Variants in TUFT1 observed in about 807,000 individuals in gnomAD.
TUFT1 encodes tuftelin.
A neutral mutation model predicts 57.8 loss-of-function variants in TUFT1; 43 were observed. The ratio of observed to expected loss-of-function variants is 0.74; its 90% CI spans 0.58 to 0.96. TUFT1 has a LOEUF of 0.96. Ranked by LOEUF, TUFT1 falls within the 40% of genes least tolerant of loss-of-function variation. TUFT1 has a pLI of 0.00. For synonymous variants in TUFT1, 166 were observed against 176.7 expected, an observed-to-expected ratio of 0.94 and a Z score of 0.48; for missense variants, 459 against 489.0, an observed-to-expected ratio of 0.94 and a Z score of 0.58.
chr1:151,544,507 G>A (rs755419449), intron 1 of TUFT1, among the ~76,000 whole-genome samples: 5 of 152,188 alleles, frequency 3.3e-5, no homozygotes, highest in Non-Finnish European at 7.3e-5. Flanking sequence ...ATGTTGGCCA[G>A]GCTGGTCTCA....
chr1:151,579,187 C>T (rs942727619), intron 10 of TUFT1, among the ~76,000 whole-genome samples: 1 of 152,166 alleles, frequency 6.6e-6, no homozygotes, highest in African/African-American at 2.4e-5. Context: ...CCCACCTGAG[C>T]TTGAGGGTAG....
chr1:151,577,373 C>A (rs1434562844), intron 9 of TUFT1, among the ~76,000 whole-genome samples: 1 of 152,128 alleles, frequency 6.6e-6, no homozygotes, highest in Non-Finnish European at 1.5e-5. Context: ...TTTTCACTAG[C>A]CCCATCCTGA....
Position 151,583,383 on chromosome 1 carries a change from G to C in TUFT1, c.*1676G>C, listed in dbSNP as rs1025873897. 1 of 152,196 alleles carries C rather than the reference G, an allele frequency of 6.6e-6. No individual in the cohort carries two copies. The highest frequency in any genetic ancestry group is 1.5e-5 in the Non-Finnish European group (1 of 68,046). The allele number at this position is 152,196 out of a possible 1,614,324, so 9.4% of individuals were successfully genotyped here. A position where few individuals can be genotyped will look rare whatever the true frequency, so the allele number is the denominator to read the frequency against. On this transcript the variant is annotated 3_prime_UTR_variant, in exon 13 of 13. Coordinates refer to ENST00000368849, the MANE Select transcript of TUFT1 (RefSeq NM_020127.3). ...TCACGCAGCCAGAATCCTTAAGTCT[G>C]TGTGTTTCTGTGTCTCAAGACTGGG...
intron 1 of TUFT1, among the ~76,000 whole-genome samples, chr1:151,547,811 T>A (rs1353789376): frequency 1.3e-5 from 2 of 152,228 alleles, no homozygotes; most frequent in African/African-American, 4.8e-5. Flanking sequence ...AGGAGCTCAC[T>A]TCCCTCTACA....
At chr1:151,569,953 G>C (rs1208951483) in intron 7 of TUFT1, 183 bp downstream of exon 7, 1 of 548,234 alleles carries the variant, frequency 1.8e-6, no homozygotes, top group African/African-American at 1.9e-5. Context: ...ACTGTTTACT[G>C]TCCAAGGCCA....
intron 5 of TUFT1, chr1:151,564,886 T>C: frequency 3.8e-6 from 1 of 262,656 alleles, no homozygotes; most frequent in East Asian, 7.9e-5. Flanking sequence ...TTAAATATCA[T>C]CAGTTGTTAG....
intron 12 of TUFT1, 44 bp from the exon 13 acceptor site, chr1:151,581,600 C>T: frequency 6.2e-7 from 1 of 1,600,772 alleles, no homozygotes; most frequent in Non-Finnish European, 8.6e-7. Flanking sequence ...GGCCACAACA[C>T]AGCTGTTCCC....
chr1:151,556,412 A>G (rs1162361000), intron 1 of TUFT1, among the ~76,000 whole-genome samples: 1 of 22,008 alleles, frequency 4.5e-5, no homozygotes, highest in Admixed American at 5.0e-4. Context: ...CTCCCTTCCC[A>G]CCCCCCAGCT....
chr1:151,577,518 C>T lies in TUFT1; in HGVS notation c.819-1203C>T, dbSNP rs547917498. On this transcript the variant is annotated intron_variant, in intron 9 of 12. Coordinates refer to ENST00000368849, the MANE Select transcript of TUFT1 (RefSeq NM_020127.3). Reference sequence around the variant, plus strand: ...AACATAGGTGCTGTATGTCAGGAACCGGGACAGAGACCCATTATATATTTC... The same window carrying T: ...AACATAGGTGCTGTATGTCAGGAACTGGGACAGAGACCCATTATATATTTC... Among the ~76,000 whole-genome samples, 6 of 152,198 alleles carry T rather than the reference C, an allele frequency of 3.9e-5. No individual in the cohort carries two copies. In the South Asian group the frequency reaches 6.2e-4, roughly 16 times the overall value.
At chr1:151,542,303 C>T (rs780958920) in intron 1 of TUFT1, among the ~76,000 whole-genome samples, 1 of 152,104 alleles carries the variant, frequency 6.6e-6, no homozygotes, top group Non-Finnish European at 1.5e-5. Context: ...TCACTGCAAC[C>T]TCCACCTCCT....
chr1:151,547,367 G>C (rs1665372925), intron 1 of TUFT1, among the ~76,000 whole-genome samples: 1 of 152,256 alleles, frequency 6.6e-6, no homozygotes, highest in African/African-American at 2.4e-5. Context: ...TGTGCTCAGA[G>C]AGGTGGGATG....
intron 7 of TUFT1, among the ~76,000 whole-genome samples, chr1:151,572,507 A>G (rs778981283): frequency 8.5e-5 from 13 of 152,158 alleles, no homozygotes; most frequent in Non-Finnish European, 1.6e-4. Context: ...AAATAAATGT[A>G]CATAAATAAA....
rs1003134043 is a variant in TUFT1 at position 151,561,614 on chromosome 1, T to G, written c.61-477T>G. On this transcript the variant is annotated intron_variant, in intron 1 of 12. Transcript: ENST00000368849. ...TTCACTTGGATAATTTCCATGTGGCTCATAGAAATGGGAGTTTGAATTCAG... is the reference window on the plus strand; with the variant it reads ...TTCACTTGGATAATTTCCATGTGGCGCATAGAAATGGGAGTTTGAATTCAG... 1.5e-5 allele frequency: 18 copies of G among 1,188,084 alleles called. No individual in the cohort carries two copies. In the African/African-American group the frequency reaches 2.6e-4, roughly 17 times the overall value. 73.6% of individuals were successfully genotyped at this position (1,188,084 alleles called of 1,614,324 possible).
At chr1:151,558,028 T>A in intron 1 of TUFT1, 1 of 411,412 alleles carries the variant, frequency 2.4e-6, no homozygotes, top group Middle Eastern at 8.2e-4. Context: ...GAAGGAAATC[T>A]TGTTGTATTT....
chr1:151,540,515 C>T (rs1034241788), intron 1 of TUFT1, 89 bp downstream of exon 1: 2 of 1,473,198 alleles, frequency 1.4e-6, no homozygotes, highest in Admixed American at 1.7e-5. Context: ...TGTTGGCTGA[C>T]ATCACCTGGT....
chr1:151,561,532 G>T (rs1420678970), intron 1 of TUFT1: 5 of 979,194 alleles, frequency 5.1e-6, no homozygotes, highest in Non-Finnish European at 6.1e-6. Flanking sequence ...AAGAAAACCT[G>T]CTTCATTCTT....
At chr1:151,570,037 G>A (rs1281122251) in intron 7 of TUFT1, among the ~76,000 whole-genome samples, 3 of 152,188 alleles carry the variant, frequency 2.0e-5, no homozygotes, top group Admixed American at 6.5e-5. Flanking sequence ...TGGGGCAGCC[G>A]GTGATTCAGA....
rs969563527 is a variant in TUFT1 at position 151,557,918 on chromosome 1, G to A, written c.61-4173G>A. 17 of 687,894 alleles carry A rather than the reference G, an allele frequency of 2.5e-5. No individual in the cohort carries two copies. In the African/African-American group the frequency reaches 2.6e-4, roughly 11 times the overall value. The allele number at this position is 687,894 out of a possible 1,614,324, so 42.6% of individuals were successfully genotyped here. A position where few individuals can be genotyped will look rare whatever the true frequency, so the allele number is the denominator to read the frequency against. On this transcript the variant is annotated intron_variant, in intron 1 of 12. Coordinates refer to ENST00000368849, the MANE Select transcript of TUFT1 (RefSeq NM_020127.3). ...CAGTTTAGAGGTGGATTTGGTTGAG[G>A]ATGTGGTCAGCCACCTCAGTAAAAT...
At chr1:151,571,328 G>C (rs531186859) in intron 7 of TUFT1, among the ~76,000 whole-genome samples, 1 of 152,200 alleles carries the variant, frequency 6.6e-6, no homozygotes, top group African/African-American at 2.4e-5. Context: ...TTTGGAAAAA[G>C]GGTTAATGAA....
Sources: gnomAD v4.1 joint callset for allele counts (sites outside exome capture counted in the v4.1 genomes callset) on GRCh38, gnomAD v4.1.1 for gene constraint, MANE v1.5 for transcripts, NCBI Gene and HGNC (gene_info 2026-07-23, HGNC 2026-07-21) for gene names.